Variants in CDC42BPB observed in about 807,000 individuals in gnomAD.
CDC42BPB encodes CDC42 binding protein kinase beta, also known as serine/threonine-protein kinase MRCK beta.
Under a neutral mutation model 214.9 loss-of-function variants are expected in CDC42BPB, and 37 were observed. The observed-to-expected ratio is 0.17, with a 90% CI of 0.13 to 0.23. The LOEUF (loss-of-function observed/expected upper bound fraction) is 0.23. CDC42BPB is among the 10% of genes least tolerant of loss of function. CDC42BPB has a pLI of 1.00. For synonymous variants in CDC42BPB, 931 were observed against 884.0 expected (o/e 1.05, Z -0.94); for missense variants, 1,694 against 2,227.0 (o/e 0.76, Z 4.82).
chr14:103,011,168 T>C (rs7146918), intron 2 of CDC42BPB, among the ~76,000 whole-genome samples: 10,590 of 152,276 alleles, frequency 0.07, 838 homozygotes, highest in African/African-American at 0.2. Flanking sequence ...GGCAGGTCTG[T>C]GGAGATGGCC....
rs1272547502 is a variant in CDC42BPB, at chr14:102,970,135, C to A, written c.1995+16G>T. 2 of 1,598,860 alleles carry A rather than the reference C, an allele frequency of 1.3e-6. No individual in the cohort carries two copies. Among genetic ancestry groups the A allele is most frequent in the South Asian group, 1.1e-5 (1 of 90,022 alleles). ...ATCCCTCTCAGTTAAGGGCAGAGAC[C>A]CCCGCCCAGCACTACCTTGAGGGCC... On this transcript the variant is annotated intron_variant, in intron 14 of 36. Coordinates refer to ENST00000361246, the MANE Select transcript of CDC42BPB (RefSeq NM_006035.4).
At chr14:102,981,886 C>T (rs1047502984) in intron 7 of CDC42BPB, among the ~76,000 whole-genome samples, 5 of 151,934 alleles carry the variant, frequency 3.3e-5, no homozygotes, top group East Asian at 3.8e-4. Context: ...CATGATGCCA[C>T]GTATCTAAAC....
intron 21 of CDC42BPB, among the ~76,000 whole-genome samples, chr14:102,956,692 G>A (rs191879697): frequency 2.4e-3 from 361 of 152,180 alleles, no homozygotes; most frequent in African/African-American, 7.9e-3. Flanking sequence ...AGCTGGGTGC[G>A]GTGGCGAGCA....
At chr14:102,964,950 A>G (rs1173429558) in intron 18 of CDC42BPB, 1 of 268,186 alleles carries the variant, frequency 3.7e-6, no homozygotes, top group East Asian at 1.8e-4. Context: ...TTTGAGATGT[A>G]GTTTCGCTCT....
intron 1 of CDC42BPB, among the ~76,000 whole-genome samples, chr14:103,028,172 G>T (rs1440617298): frequency 6.6e-6 from 1 of 152,170 alleles, no homozygotes; most frequent in South Asian, 2.1e-4. Context: ...CAAGCACAAC[G>T]AATCTGTGAT....
chr14:102,988,985 C>A (rs1196750919), intron 5 of CDC42BPB, among the ~76,000 whole-genome samples: 2 of 150,126 alleles, frequency 1.3e-5, no homozygotes, highest in Non-Finnish European at 3.0e-5. Flanking sequence ...CAAAAAACCA[C>A]AATGAACCAC....
intron 1 of CDC42BPB, among the ~76,000 whole-genome samples, chr14:103,017,539 A>G (rs1886536354): frequency 6.6e-6 from 1 of 152,158 alleles, no homozygotes; most frequent in Admixed American, 6.5e-5. Context: ...TTACGTGATG[A>G]GACGCAACCG....
At position 102,944,422 on chromosome 14, in the gene CDC42BPB, C is replaced by T. The variant is rs775835433; in HGVS notation, c.3877G>A (p.Val1293Ile). 1.7e-5 allele frequency: 28 copies of T among 1,612,918 alleles called. No individual in the cohort carries two copies. The Admixed American group carries it at 1.8e-4, about 11-fold the overall frequency. ...TGGTTCCGGCCACAGAGGAGGATTA[C>T]GATCTTCTCCCTGGGAGCAAGCTCG... ...QIELAPREKIVILLCGRNHHV... is the reference protein window; with the variant it reads ...QIELAPREKIIILLCGRNHHV... Residue 1293 changes from valine (V) to isoleucine (I), a missense_variant, in exon 30 of 37, where the codon GTA becomes ATA. Transcript: ENST00000361246. This position sits in a 1 kb window ranked among gnomAD's most constrained non-coding sequence, Gnocchi z 6.6.
rs141230315 is a variant in CDC42BPB, at chr14:102,967,020, G to A, written c.2471+26C>T. 5.9e-4 allele frequency: 944 copies of A among 1,608,090 alleles called. 8 individuals are homozygous for A. The African/African-American group carries it at 0.011, about 19-fold the overall frequency. On this transcript the variant is annotated intron_variant, in intron 17 of 36. Transcript: ENST00000361246. The stretch of plus-strand genomic sequence containing the variant: ...TGGACTGAGCAGGGAGCGGATTCAC[G>A]GCCGCTAATGGGGCCGCGCACGTAC...
chr14:102,958,964 C>T (rs1211701755), intron 21 of CDC42BPB, among the ~76,000 whole-genome samples: 2 of 140,868 alleles, frequency 1.4e-5, no homozygotes, highest in Admixed American at 1.4e-4. Flanking sequence ...TGAGCCACTG[C>T]ACCCATCCCA....
At chr14:103,028,203 C>T (rs1198970295) in intron 1 of CDC42BPB, among the ~76,000 whole-genome samples, 1 of 152,132 alleles carries the variant, frequency 6.6e-6, no homozygotes, top group East Asian at 1.9e-4. Context: ...ACAGTGTGTA[C>T]CACACATGAG....
chr14:103,047,364 G>T (rs907776019), intron 1 of CDC42BPB, among the ~76,000 whole-genome samples: 1 of 150,772 alleles, frequency 6.6e-6, no homozygotes, highest in African/African-American at 2.4e-5. Flanking sequence ...GGACCCAAGC[G>T]TCCCAATCAA....
intron 20 of CDC42BPB, among the ~76,000 whole-genome samples, chr14:102,960,696 A>G (rs541279618): frequency 5.9e-5 from 9 of 152,132 alleles, no homozygotes; most frequent in Non-Finnish European, 1.3e-4. Context: ...CCAGAAACAG[A>G]CCCAAGCCCA....
chr14:103,048,576 T>G, intron 1 of CDC42BPB, among the ~76,000 whole-genome samples: 2 of 133,578 alleles, frequency 1.5e-5, no homozygotes, highest in African/African-American at 2.9e-5. Context: ...CCAGGCATGG[T>G]GGCGGGCGCC....
chr14:102,960,349 G>A (rs966955398), intron 20 of CDC42BPB, among the ~76,000 whole-genome samples: 5 of 152,110 alleles, frequency 3.3e-5, no homozygotes, highest in Non-Finnish European at 5.9e-5. Context: ...AGGCACAGTG[G>A]TTCACACCTG....
At chr14:103,016,402 T>TGG (rs150402749) in intron 1 of CDC42BPB, among the ~76,000 whole-genome samples, 3 of 150,310 alleles carry the variant, frequency 2.0e-5, no homozygotes, top group Admixed American at 6.6e-5. Context: ...CAACAGGGAG[T>TGG]GGGGGGGTCA....
Position 102,997,713 on chromosome 14 carries a change from A to C in CDC42BPB, c.596+1852T>G, listed in dbSNP as rs542427020. ...CTAATAAAAAGCAAGGCAATTATCA[A>C]CTCCAGAGAAAGCAGAAGTTTATGT... is the stretch of plus-strand genomic sequence containing the variant. On this transcript the variant is annotated intron_variant, in intron 5 of 36. Coordinates refer to ENST00000361246, the MANE Select transcript of CDC42BPB (RefSeq NM_006035.4). Among the ~76,000 whole-genome samples, 11 of 152,312 alleles carry C rather than the reference A, an allele frequency of 7.2e-5. No homozygotes were observed. The South Asian group carries it at 2.3e-3, about 32-fold the overall frequency.
chr14:103,011,459 G>A (rs572697430), intron 2 of CDC42BPB, among the ~76,000 whole-genome samples: 10 of 152,360 alleles, frequency 6.6e-5, no homozygotes, highest in East Asian at 1.9e-4. Flanking sequence ...AAGGCTGGGC[G>A]TGGTGACTCA....
chr14:102,941,561 C>T, intron 30 of CDC42BPB: 1 of 985,446 alleles, frequency 1.0e-6, no homozygotes, highest in Non-Finnish European at 1.2e-6. Flanking sequence ...AACCACTCTC[C>T]ACACGGGCTT....
Sources: allele counts gnomAD v4.1 joint callset (sites outside exome capture counted in the v4.1 genomes callset), GRCh38; gene constraint gnomAD v4.1.1; non-coding constraint Gnocchi (gnomAD v3.1); transcripts MANE v1.5; gene names NCBI Gene and HGNC (gene_info 2026-07-23, HGNC 2026-07-21).